Variants in DNAI7 observed in about 807,000 individuals in gnomAD.
DNAI7 encodes cancer susceptibility 1.
DNAI7 carries 78 observed loss-of-function variants against 86.6 expected under a neutral mutation model. The ratio of observed to expected loss-of-function variants is 0.90; its 90% CI spans 0.75 to 1.09. The LOEUF (loss-of-function observed/expected upper bound fraction) is 1.09, where lower values mean the gene tolerates loss of function less well. Ranked by LOEUF, DNAI7 falls within the 50% of genes least tolerant of loss-of-function variation. The pLI, the probability that DNAI7 is intolerant of heterozygous loss-of-function variation, is 0.00. For synonymous variants in DNAI7, 274 were observed against 273.0 expected, an observed-to-expected ratio of 1.00 and a Z score of -0.04; for missense variants, 753 against 810.2, an observed-to-expected ratio of 0.93 and a Z score of 0.86.
chr12:25,192,562 C>T (rs2141413924), intron 1 of DNAI7: 2 of 152,134 alleles, frequency 1.3e-5, no homozygotes, highest in South Asian at 4.1e-4. Flanking sequence ...TGCGGTGGCT[C>T]ACAGCTGTAA....
chr12:25,123,769 T>C (rs1941674542), intron 9 of DNAI7, among the ~76,000 whole-genome samples: 2 of 152,154 alleles, frequency 1.3e-5, no homozygotes, highest in Admixed American at 1.3e-4. Context: ...CTAGACTTTA[T>C]GTCTAAATCT....
At position 25,155,362 on chromosome 12, in the gene DNAI7, C is replaced by A; in HGVS notation, c.249G>T (p.Arg83Ser). 2 of 1,608,740 alleles carry A rather than the reference C, an allele frequency of 1.2e-6. No individual in the cohort carries two copies. Among genetic ancestry groups the A allele is most frequent in the South Asian group, 1.1e-5 (1 of 90,388 alleles). ...EELEELYLLE[R>S]CFPEAEKLKQ... is the part of the protein sequence containing the mutation. ...TCAATTTCTCTGCTTCAGGAAAACA[C>A]CTCTCTAATAAATAAAGTTCTTCAA... The change falls in exon 5 of 16, where the codon AGG becomes AGT. Residue 83 changes from arginine (R) to serine (S), a missense_variant. Arg to Ser is a moderately radical substitution (Grantham distance 110). Transcript: ENST00000395987.
At chr12:25,142,409 ATGGGT>A (rs1944316225) in intron 9 of DNAI7, among the ~76,000 whole-genome samples, 1 of 151,480 alleles carries the variant, frequency 6.6e-6, no homozygotes, top group Non-Finnish European at 1.5e-5. Context: ...TGCTCGGGTA[ATGGGT>A]GCACCAAAAT....
At chr12:25,160,557 G>A (rs941150511) in intron 3 of DNAI7, among the ~76,000 whole-genome samples, 8 of 152,038 alleles carry the variant, frequency 5.3e-5, no homozygotes, top group South Asian at 2.1e-4. Flanking sequence ...TTAGCCAATC[G>A]GAATTAGTTT....
chr12:25,144,365 C>G lies in DNAI7; in HGVS notation c.1002G>C (p.Met334Ile). The G allele has an allele frequency of 6.2e-7, 1 of 1,608,884 alleles. No individual in the cohort carries two copies. The highest frequency in any genetic ancestry group is 8.5e-7 in the Non-Finnish European group (1 of 1,176,126). ...EEEQGDIEVK[M>I]SSAEEESEAI... The stretch of plus-strand genomic sequence containing the variant: ...ATGTGTATATTTAAATGTGTCCTAC[C>G]ATTTTCACTTCAATATCACCTTGTT... Residue 334 changes from methionine (M) to isoleucine (I), a missense_variant and splice_region_variant, in exon 9 of 16, where the codon ATG becomes ATC. Coordinates refer to ENST00000395987, the MANE Select transcript of DNAI7 (RefSeq NM_018272.5).
At chr12:25,141,467 C>T (rs1157729035) in intron 9 of DNAI7, among the ~76,000 whole-genome samples, 1 of 152,140 alleles carries the variant, frequency 6.6e-6, no homozygotes, top group African/African-American at 2.4e-5. Flanking sequence ...AGAAAAAATG[C>T]TCAACATTAC....
At chr12:25,151,681 G>A (rs1223579962) in intron 6 of DNAI7, among the ~76,000 whole-genome samples, 1 of 152,206 alleles carries the variant, frequency 6.6e-6, no homozygotes, top group Non-Finnish European at 1.5e-5. Context: ...GTAGTAGCAA[G>A]AACACTGTAT....
At chr12:25,131,461 C>A (rs988302427) in intron 9 of DNAI7, among the ~76,000 whole-genome samples, 1 of 152,172 alleles carries the variant, frequency 6.6e-6, no homozygotes, top group Non-Finnish European at 1.5e-5. Context: ...TGAGTTCCAA[C>A]TGGAATGGGA....
chr12:25,123,198 T>A lies in DNAI7; in HGVS notation c.1078+13A>T, dbSNP rs1006287191. 93 of 1,514,928 alleles carry A rather than the reference T, an allele frequency of 6.1e-5. No homozygotes were observed. The highest frequency in any genetic ancestry group is 8.4e-5 in the Non-Finnish European group (93 of 1,103,692). 93.8% of individuals were successfully genotyped at this position (1,514,928 alleles called of 1,614,324 possible). The stretch of plus-strand genomic sequence containing the variant: ...TCAATAAAGTTAAATTCTTAAAATG[T>A]AATTTAGAATACCTGCTGAAACAGT... On this transcript the variant is annotated intron_variant, in intron 10 of 15. Coordinates refer to ENST00000395987, the MANE Select transcript of DNAI7 (RefSeq NM_018272.5).
chr12:25,141,886 G>C (rs998585257), intron 9 of DNAI7, among the ~76,000 whole-genome samples: 1 of 152,230 alleles, frequency 6.6e-6, no homozygotes, highest in South Asian at 2.1e-4. Context: ...AGATGTTTGA[G>C]TGGATGGGGT....
intron 9 of DNAI7, among the ~76,000 whole-genome samples, chr12:25,126,486 T>A (rs151112097): frequency 6.6e-6 from 1 of 151,916 alleles, no homozygotes; most frequent in East Asian, 1.9e-4. Context: ...AAGGAGCTTA[T>A]AGGAGAGATG....
At chr12:25,133,309 C>A (rs1943153948) in intron 9 of DNAI7, among the ~76,000 whole-genome samples, 1 of 152,150 alleles carries the variant, frequency 6.6e-6, no homozygotes. Flanking sequence ...CTATTTCTAT[C>A]CATCATCTCT....
intron 2 of DNAI7, among the ~76,000 whole-genome samples, chr12:25,181,310 G>T (rs181461484): frequency 6.6e-6 from 1 of 151,816 alleles, no homozygotes; most frequent in Non-Finnish European, 1.5e-5. Flanking sequence ...GAGGTGGGGG[G>T]GTCTCACTAT....
intron 9 of DNAI7, among the ~76,000 whole-genome samples, chr12:25,143,158 C>T (rs565946613): frequency 1.3e-5 from 2 of 152,038 alleles, no homozygotes; most frequent in East Asian, 1.9e-4. Context: ...AAAATTTTCA[C>T]GTGCTTGTCA....
Position 25,194,766 on chromosome 12 carries a change from A to G in DNAI7, c.3+310T>C, listed in dbSNP as rs1056530104. The G allele has an allele frequency of 3.5e-5, 33 of 945,988 alleles. No homozygotes were observed. In the African/African-American group the frequency reaches 3.9e-4, roughly 11 times the overall value. The allele number at this position is 945,988 out of a possible 1,614,324, so 58.6% of individuals were successfully genotyped here. ...ATAAGAAAATTTAGTGGGAACGTCT[A>G]TCACTACTGAAAGTTACTAGGTTGG... On this transcript the variant is annotated intron_variant, in intron 1 of 15. Coordinates refer to ENST00000395987, the MANE Select transcript of DNAI7 (RefSeq NM_018272.5).
chr12:25,157,641 T>TA (rs1946343065), intron 4 of DNAI7, among the ~76,000 whole-genome samples: 1 of 152,234 alleles, frequency 6.6e-6, no homozygotes, highest in Non-Finnish European at 1.5e-5. Flanking sequence ...TAAAATTTTT[T>TA]AGTTTTAATT....
chr12:25,138,941 A>G lies in DNAI7; in HGVS notation c.1002+5424T>C, dbSNP rs143049948. Among the ~76,000 whole-genome samples the G allele has an allele frequency of 9.5e-4, 144 of 152,194 alleles. 1 individual carries two copies. The highest frequency in any genetic ancestry group is 3.2e-3 in the African/African-American group (133 of 41,568). On this transcript the variant is annotated intron_variant, in intron 9 of 15. Coordinates refer to ENST00000395987, the MANE Select transcript of DNAI7 (RefSeq NM_018272.5). ...AATCTGGTTTTTTGAAAAGACAAACAAAATTGACAGACCATTAGCGAGATT... is the reference window on the plus strand; with the variant it reads ...AATCTGGTTTTTTGAAAAGACAAACGAAATTGACAGACCATTAGCGAGATT...
chr12:25,139,780 T>C (rs1032265494), intron 9 of DNAI7, among the ~76,000 whole-genome samples: 8 of 152,108 alleles, frequency 5.3e-5, no homozygotes, highest in Non-Finnish European at 1.0e-4. Flanking sequence ...CAAACCACCA[T>C]GGCACATGTA....
chr12:25,194,429 T>G (rs1186106505), intron 1 of DNAI7, among the ~76,000 whole-genome samples: 1 of 152,202 alleles, frequency 6.6e-6, no homozygotes, highest in Non-Finnish European at 1.5e-5. Context: ...AAATAAGTAA[T>G]TACATTCTCC....
Sources: gnomAD v4.1 joint callset for allele counts (sites outside exome capture counted in the v4.1 genomes callset) on GRCh38, gnomAD v4.1.1 for gene constraint, MANE v1.5 for transcripts, NCBI Gene and HGNC (gene_info 2026-07-23, HGNC 2026-07-21) for gene names.